TCF12: variants seen among roughly 807,000 people sequenced by gnomAD.
The protein encoded by TCF12 is transcription factor 12.
In TCF12, 45 loss-of-function variants were observed where a neutral mutation model predicts 86.0. That is an observed-to-expected ratio of 0.52 (90% CI 0.41 to 0.67). TCF12 has a LOEUF of 0.67. Ranked by LOEUF, TCF12 falls within the 30% of genes least tolerant of loss-of-function variation. TCF12 has a pLI of 0.00. For missense variants in TCF12, 881 were observed against 859.9 expected, an observed-to-expected ratio of 1.02 and a Z score of -0.31; for synonymous variants, 330 against 299.6, an observed-to-expected ratio of 1.10 and a Z score of -1.05.
chr15:57,261,614 G>A (rs980650673), intron 16 of TCF12, among the ~76,000 whole-genome samples: 2 of 152,034 alleles, frequency 1.3e-5, no homozygotes, highest in Non-Finnish European at 2.9e-5. Context: ...AACTTCATCC[G>A]TAACAAGTTT....
At chr15:57,113,182 A>G (rs539337531) in intron 5 of TCF12, among the ~76,000 whole-genome samples, 2 of 152,274 alleles carry the variant, frequency 1.3e-5, no homozygotes, top group South Asian at 4.1e-4. Context: ...CCCTATTTCT[A>G]GAGCTAATAT....
intron 5 of TCF12, among the ~76,000 whole-genome samples, chr15:57,092,922 T>TA (rs1286742670): frequency 6.6e-6 from 1 of 152,196 alleles, no homozygotes; most frequent in Non-Finnish European, 1.5e-5. Flanking sequence ...GGTCTGCAAT[T>TA]TATTTAAAAT....
chr15:57,269,433 T>C (rs1340826838), intron 18 of TCF12, among the ~76,000 whole-genome samples: 1 of 142,648 alleles, frequency 7.0e-6, no homozygotes, highest in African/African-American at 2.6e-5. Flanking sequence ...ATCCCTTTAT[T>C]TTGAGCCTAT....
intron 3 of TCF12, among the ~76,000 whole-genome samples, chr15:57,047,831 A>G (rs1257733163): frequency 1.3e-5 from 2 of 152,250 alleles, no homozygotes; most frequent in African/African-American, 2.4e-5. Context: ...CTAACATCAT[A>G]AAGAGTACAG....
intron 5 of TCF12, among the ~76,000 whole-genome samples, chr15:57,136,262 C>G (rs1436255753): frequency 2.0e-5 from 3 of 152,178 alleles, no homozygotes; most frequent in African/African-American, 7.2e-5. Flanking sequence ...CTAGGACATA[C>G]ACAGAAGTCA....
At chr15:57,135,401 A>G (rs895309643) in intron 5 of TCF12, among the ~76,000 whole-genome samples, 1 of 152,192 alleles carries the variant, frequency 6.6e-6, no homozygotes, top group Admixed American at 6.5e-5. Context: ...ATTTTTGTAT[A>G]TTTAGCACAT....
chr15:57,210,617 G>A (rs187476642), intron 8 of TCF12, among the ~76,000 whole-genome samples: 41 of 152,218 alleles, frequency 2.7e-4, no homozygotes, highest in Admixed American at 2.2e-3. Context: ...TTAGAGTATC[G>A]TGTTCTTTTA....
intron 3 of TCF12, among the ~76,000 whole-genome samples, chr15:57,014,008 A>C (rs1355475691): frequency 6.6e-6 from 1 of 152,192 alleles, no homozygotes; most frequent in Non-Finnish European, 1.5e-5. Context: ...TGGAGAGGAC[A>C]CTACTGTATT....
At chr15:56,978,677 A>C (rs1370989802) in intron 3 of TCF12, among the ~76,000 whole-genome samples, 1 of 152,242 alleles carries the variant, frequency 6.6e-6, no homozygotes, top group Non-Finnish European at 1.5e-5. Context: ...ATAGTTAAAT[A>C]CTAAAGCAAA....
At chr15:57,014,862 TTTATTA>T (rs139828642) in intron 3 of TCF12, among the ~76,000 whole-genome samples, 62,742 of 145,178 alleles carry the variant, frequency 0.43, 14,839 homozygotes, top group Non-Finnish European at 0.53. Flanking sequence ...TCTCTGGACC[TTTATTA>T]TTATTATTAT....
At chr15:56,979,100 C>T (rs1315935732) in intron 3 of TCF12, among the ~76,000 whole-genome samples, 1 of 152,088 alleles carries the variant, frequency 6.6e-6, no homozygotes, top group Non-Finnish European at 1.5e-5. Context: ...GCTTAGGTCA[C>T]TCATTTTTGT....
chr15:57,268,231 C>T (rs1234276297), intron 18 of TCF12, among the ~76,000 whole-genome samples: 2 of 152,082 alleles, frequency 1.3e-5, no homozygotes, highest in African/African-American at 4.8e-5. Flanking sequence ...GTAGTGAGAC[C>T]TGGAAAGCTG....
At chr15:57,085,545 AT>A (rs1173617231) in intron 4 of TCF12, among the ~76,000 whole-genome samples, 7 of 152,212 alleles carry the variant, frequency 4.6e-5, no homozygotes, top group African/African-American at 1.7e-4. Context: ...GACTGTTGTG[AT>A]CAAGTCAACC....
At chr15:57,135,718 G>A (rs895342523) in intron 5 of TCF12, among the ~76,000 whole-genome samples, 4 of 152,162 alleles carry the variant, frequency 2.6e-5, no homozygotes, top group Non-Finnish European at 5.9e-5. Flanking sequence ...ATTTCGCCAA[G>A]CAGTAATAAA....
intron 4 of TCF12, among the ~76,000 whole-genome samples, chr15:57,081,950 G>T (rs1376999543): frequency 6.6e-6 from 1 of 152,140 alleles, no homozygotes; most frequent in African/African-American, 2.4e-5. Flanking sequence ...TTCCTGGAAG[G>T]AACCACTGAT....
intron 5 of TCF12, among the ~76,000 whole-genome samples, chr15:57,148,034 A>G (rs1596821095): frequency 6.6e-6 from 1 of 151,846 alleles, no homozygotes; most frequent in Non-Finnish European, 1.5e-5. Context: ...GCACGTCACC[A>G]TGCCCTGCTA....
intron 3 of TCF12, among the ~76,000 whole-genome samples, chr15:57,046,678 A>C (rs1179286632): frequency 1.3e-5 from 2 of 151,288 alleles, no homozygotes; most frequent in Non-Finnish European, 2.9e-5. Context: ...CTGTTCTCGA[A>C]CTCCTGACCT....
chr15:57,257,377 G>A (rs1285307593), intron 16 of TCF12, among the ~76,000 whole-genome samples: 2 of 152,168 alleles, frequency 1.3e-5, no homozygotes, highest in East Asian at 3.9e-4. Context: ...AAGTGGTACA[G>A]GCCAGGCATG....
intron 8 of TCF12, among the ~76,000 whole-genome samples, chr15:57,198,733 A>G (rs1566903719): frequency 7.1e-6 from 1 of 141,458 alleles, no homozygotes; most frequent in African/African-American, 2.6e-5. Flanking sequence ...TGTTGTGTAA[A>G]TGGATGTTGG....
Sources: gnomAD v4.1 joint callset for allele counts (sites outside exome capture counted in the v4.1 genomes callset) on GRCh38, gnomAD v4.1.1 for gene constraint, MANE v1.5 for transcripts, NCBI Gene and HGNC (gene_info 2026-07-23, HGNC 2026-07-21) for gene names.